Variants in APCDD1 observed in about 807,000 individuals in gnomAD.
APCDD1 encodes the protein APC down-regulated 1, also known as protein APCDD1.
Under a neutral mutation model 38.1 loss-of-function variants are expected in APCDD1, and 15 were observed. That is an observed-to-expected ratio of 0.39 (90% CI 0.26 to 0.61). The LOEUF (loss-of-function observed/expected upper bound fraction) is 0.61, where lower values mean the gene tolerates loss of function less well. APCDD1 is among the 20% of genes least tolerant of loss of function. The pLI, the probability that APCDD1 is intolerant of heterozygous loss-of-function variation, is 0.49. For missense variants in APCDD1, 647 were observed against 696.2 expected (o/e 0.93, Z 0.79); for synonymous variants, 261 against 279.7 (o/e 0.93, Z 0.67).
chr18:10,487,778 C>G lies in APCDD1; in HGVS notation c.1285C>G (p.Gln429Glu). 6.2e-7 allele frequency: 1 copy of G among 1,614,162 alleles called. No individual in the cohort carries two copies. The change falls in exon 5 of 5, where the codon CAG becomes GAG. Residue 429 changes from glutamine to glutamate, a missense_variant. Coordinates refer to ENST00000355285, the MANE Select transcript of APCDD1 (RefSeq NM_153000.5). The stretch of plus-strand genomic sequence containing the variant: ...GGAGTACGAGATCTTCAAAATGGAA[C>G]AGGATGCCCGGGGGCGCTATCTGCT... ...HTEYEIFKME[Q>E]DARGRYLLFN...
In APCDD1 at chr18:10,486,790, C is replaced by T. The variant is rs550827234; in HGVS notation, c.1097-800C>T. 4.6e-5 allele frequency among the ~76,000 whole-genome samples: 7 copies of T among 152,332 alleles called. No individual in the cohort carries two copies. The South Asian group carries it at 1.2e-3, about 27-fold the overall frequency. On this transcript the variant is annotated intron_variant, in intron 4 of 4. Coordinates refer to ENST00000355285, the MANE Select transcript of APCDD1 (RefSeq NM_153000.5). Reference sequence around the variant, plus strand: ...GGGATAGCCTCGATCCCAGGTGACTCCTCCAGGATGGCGTTCCAGGGTTCA... The same window carrying T: ...GGGATAGCCTCGATCCCAGGTGACTTCTCCAGGATGGCGTTCCAGGGTTCA...
rs755195456 is a variant in APCDD1 at position 10,488,191 on chromosome 18, C to T, written c.*153C>T. 1.8e-5 allele frequency: 17 copies of T among 957,564 alleles called. No individual in the cohort carries two copies. The highest frequency in any genetic ancestry group is 2.7e-5 in the Non-Finnish European group (17 of 639,706). 59.3% of individuals were successfully genotyped at this position (957,564 alleles called of 1,614,324 possible). A position where few individuals can be genotyped will look rare whatever the true frequency, so the allele number is the denominator to read the frequency against. ...TCTCCCTCCCTCCCAGCCCCTGAGTCATGAACAGCAAGGAGTGTTTGAAGT... is the reference window on the plus strand; with the variant it reads ...TCTCCCTCCCTCCCAGCCCCTGAGTTATGAACAGCAAGGAGTGTTTGAAGT... On this transcript the variant is annotated 3_prime_UTR_variant, in exon 5 of 5. Transcript: ENST00000355285.
At chr18:10,484,549 A>G (rs1399162588) in intron 3 of APCDD1, among the ~76,000 whole-genome samples, 1 of 152,030 alleles carries the variant, frequency 6.6e-6, no homozygotes, top group African/African-American at 2.4e-5. Context: ...ATCTTCCCAG[A>G]CTGAACCTCT....
intron 3 of APCDD1, among the ~76,000 whole-genome samples, chr18:10,478,864 C>T (rs966701754): frequency 6.6e-6 from 1 of 152,214 alleles, no homozygotes; most frequent in Non-Finnish European, 1.5e-5. Context: ...AATTCACAAG[C>T]TCCTAGAATC....
At position 10,468,464 on chromosome 18, in the gene APCDD1, T is replaced by A; in HGVS notation, c.59-5T>A. ...TTTGGCTAACTTTCCACCTTTATTT[T>A]TCAGGGCTGGGAGAGGGTTCTGCCC... On this transcript the variant is annotated splice_region_variant and splice_polypyrimidine_tract_variant and intron_variant, in intron 1 of 4. Coordinates refer to ENST00000355285, the MANE Select transcript of APCDD1 (RefSeq NM_153000.5). The A allele has an allele frequency of 6.2e-7, 1 of 1,614,208 alleles. No individual in the cohort carries two copies. Among genetic ancestry groups the A allele is most frequent in the Non-Finnish European group, 8.5e-7 (1 of 1,180,046 alleles).
At chr18:10,474,688 T>A (rs2030950224) in intron 3 of APCDD1, among the ~76,000 whole-genome samples, 1 of 152,178 alleles carries the variant, frequency 6.6e-6, no homozygotes, top group South Asian at 2.1e-4. Context: ...CCCGTTGCAC[T>A]CCTGGGTGTG....
chr18:10,481,771 C>A (rs1195370011), intron 3 of APCDD1, among the ~76,000 whole-genome samples: 1 of 151,816 alleles, frequency 6.6e-6, no homozygotes, highest in Non-Finnish European at 1.5e-5. Flanking sequence ...TCCCTAAATT[C>A]TCAGGCCCAC....
chr18:10,457,267 T>G (rs954760505), intron 1 of APCDD1, among the ~76,000 whole-genome samples: 1 of 152,202 alleles, frequency 6.6e-6, no homozygotes, highest in African/African-American at 2.4e-5. Flanking sequence ...GAATGGGATA[T>G]TCTTCCTTTC....
intron 3 of APCDD1, chr18:10,477,644 A>C (rs1357788136): frequency 6.6e-6 from 1 of 152,236 alleles, no homozygotes; most frequent in African/African-American, 2.4e-5. Flanking sequence ...CTCAGAGGAC[A>C]TGAGGAAACC....
At chr18:10,465,546 A>G (rs1483213343) in intron 1 of APCDD1, among the ~76,000 whole-genome samples, 1 of 152,262 alleles carries the variant, frequency 6.6e-6, no homozygotes, top group Non-Finnish European at 1.5e-5. Context: ...CTGCAACTCC[A>G]TATTTTCTCA....
chr18:10,479,324 A>G (rs920450120), intron 3 of APCDD1, among the ~76,000 whole-genome samples: 2 of 152,192 alleles, frequency 1.3e-5, no homozygotes, highest in Admixed American at 6.5e-5. Flanking sequence ...CTTTTAGCTC[A>G]AGGAACACTG....
chr18:10,456,478 T>C (rs2030384635), intron 1 of APCDD1, among the ~76,000 whole-genome samples: 2 of 152,166 alleles, frequency 1.3e-5, no homozygotes, highest in Non-Finnish European at 2.9e-5. Flanking sequence ...AAAAAATTGT[T>C]GTAATATCTG....
rs946217279 is a variant in APCDD1 at position 10,485,916 on chromosome 18, G to A, written c.1096+133G>A. 4 of 1,009,506 alleles carry A rather than the reference G, an allele frequency of 4.0e-6. No individual in the cohort carries two copies. Among genetic ancestry groups the A allele is most frequent in the Non-Finnish European group, 6.0e-6 (4 of 669,282 alleles). The allele number at this position is 1,009,506 out of a possible 1,614,324, so 62.5% of individuals were successfully genotyped here. A position where few individuals can be genotyped will look rare whatever the true frequency, so the allele number is the denominator to read the frequency against. On this transcript the variant is annotated intron_variant, in intron 4 of 4. Coordinates refer to ENST00000355285, the MANE Select transcript of APCDD1 (RefSeq NM_153000.5). The surrounding 1 kb of genome is among the most constrained non-coding windows in gnomAD (Gnocchi z 5.8). ...GGAAAGAAATTGGGGAGTCATTTCT[G>A]CCTCAGTCCTTCCCAACGCCCTCTG...
intron 3 of APCDD1, among the ~76,000 whole-genome samples, chr18:10,480,707 CAAA>C (rs11438185): frequency 6.7e-6 from 1 of 149,826 alleles, no homozygotes; most frequent in African/African-American, 2.5e-5. Flanking sequence ...ACAAAAAATA[CAAA>C]AAAAAAATTT....
chr18:10,476,581 TG>T lies in APCDD1; in HGVS notation c.774+4521del, dbSNP rs1237555857. The T allele has an allele frequency of 1.3e-5, 2 of 152,152 alleles. No homozygotes were observed. Among genetic ancestry groups the T allele is most frequent in the Non-Finnish European group, 2.9e-5 (2 of 68,034 alleles). 9.4% of individuals were successfully genotyped at this position (152,152 alleles called of 1,614,324 possible). A position where few individuals can be genotyped will look rare whatever the true frequency, so the allele number is the denominator to read the frequency against. Reference sequence around the variant, plus strand: ...GAATCAAATGGTAATTAAAAGCAAATGATTGCCAAGGTCGTTAGAGATGCCA... The same window carrying T: ...GAATCAAATGGTAATTAAAAGCAAATATTGCCAAGGTCGTTAGAGATGCCA... On this transcript the variant is annotated intron_variant, in intron 3 of 4. Transcript: ENST00000355285. The surrounding 1 kb of genome is among the most constrained non-coding windows in gnomAD (Gnocchi z 5.8).
At chr18:10,456,506 A>G (rs2030385640) in intron 1 of APCDD1, among the ~76,000 whole-genome samples, 3 of 152,238 alleles carry the variant, frequency 2.0e-5, no homozygotes, top group South Asian at 2.1e-4. Flanking sequence ...AAAAGATAGT[A>G]TGGTCAAATG....
intron 1 of APCDD1, 112 bp from the exon 2 acceptor site, chr18:10,468,357 A>G: frequency 8.6e-7 from 1 of 1,159,298 alleles, no homozygotes. Flanking sequence ...CTTGTAGAAT[A>G]AACAATCATT....
chr18:10,456,981 G>A (rs571917798), intron 1 of APCDD1, among the ~76,000 whole-genome samples: 8 of 152,132 alleles, frequency 5.3e-5, no homozygotes, highest in African/African-American at 1.4e-4. Context: ...ACACATATGT[G>A]CATATGTATA....
rs760810531 is a variant in APCDD1, at chr18:10,468,536, T to C, written c.126T>C (p.Ser42=). The change falls in exon 2 of 5, where the codon AGT becomes AGC. Residue 42 remains serine (S), a synonymous_variant. Coordinates refer to ENST00000355285, the MANE Select transcript of APCDD1 (RefSeq NM_153000.5). ...SRSHPRSLEK[S]AWRAFKESQC... The stretch of plus-strand genomic sequence containing the variant: ...CTCATCCTAGGTCCTTAGAGAAAAG[T>C]GCCTGGAGGGCTTTTAAGGAGTCAC... 3.1e-6 allele frequency: 5 copies of C among 1,614,188 alleles called. No individual in the cohort carries two copies. The South Asian group carries it at 5.5e-5, about 18-fold the overall frequency.
Sources: allele counts gnomAD v4.1 joint callset (sites outside exome capture counted in the v4.1 genomes callset), GRCh38; gene constraint gnomAD v4.1.1; non-coding constraint Gnocchi (gnomAD v3.1); transcripts MANE v1.5; gene names NCBI Gene and HGNC (gene_info 2026-07-23, HGNC 2026-07-21).